ELSPBP1: variants seen among roughly 807,000 people sequenced by gnomAD.
ELSPBP1 encodes epididymal sperm binding protein 1, also known as epididymal sperm-binding protein 1.
A neutral mutation model predicts 33.3 loss-of-function variants in ELSPBP1; 38 were observed. That is an observed-to-expected ratio of 1.14 (90% CI 0.88 to 1.50). The LOEUF (loss-of-function observed/expected upper bound fraction) is 1.50, where lower values mean the gene tolerates loss of function less well. ELSPBP1 is among the 40% of genes most tolerant of loss of function. The pLI, the probability that ELSPBP1 is intolerant of heterozygous loss-of-function variation, is 0.00. For missense variants in ELSPBP1, 267 were observed against 263.5 expected, an observed-to-expected ratio of 1.01 and a Z score of -0.09; for synonymous variants, 85 against 94.1, an observed-to-expected ratio of 0.90 and a Z score of 0.56.
At chr19:48,008,053 T>C (rs1967039749) in intron 1 of ELSPBP1, among the ~76,000 whole-genome samples, 1 of 152,200 alleles carries the variant, frequency 6.6e-6, no homozygotes, top group Admixed American at 6.5e-5. Flanking sequence ...AATGTCGTCC[T>C]TGTGTGAGCA....
chr19:48,014,080 T>C (rs1967104980), intron 2 of ELSPBP1, 91 bp from the exon 3 acceptor site: 3 of 1,452,856 alleles, frequency 2.1e-6, no homozygotes, highest in African/African-American at 2.8e-5. Flanking sequence ...AACACGGACA[T>C]TCATATTAAA....
In ELSPBP1 at chr19:48,014,322, C is replaced by T. The variant is rs1225421653; in HGVS notation, c.208+14C>T. 3 of 1,612,036 alleles carry T rather than the reference C, an allele frequency of 1.9e-6. No homozygotes were observed. In the East Asian group the frequency reaches 6.7e-5, roughly 36 times the overall value. ...GCCAGAGTGAAGGTGAGTGGTATCA[C>T]ATTGTCCCTGCCAGTGGCCTTTGAA... On this transcript the variant is annotated intron_variant, in intron 3 of 6. Coordinates refer to ENST00000339841, the MANE Select transcript of ELSPBP1 (RefSeq NM_022142.5).
Position 48,011,353 on chromosome 19 carries a change from C to T in ELSPBP1, c.70+2616C>T, listed in dbSNP as rs532087570. 2.1e-4 allele frequency among the ~76,000 whole-genome samples: 31 copies of T among 146,544 alleles called. No homozygotes were observed. Among genetic ancestry groups the T allele is most frequent in the South Asian group, 6.6e-4 (3 of 4,550 alleles). On this transcript the variant is annotated intron_variant, in intron 2 of 6. Coordinates refer to ENST00000339841, the MANE Select transcript of ELSPBP1 (RefSeq NM_022142.5). This position sits in a 1 kb window ranked among gnomAD's most constrained non-coding sequence, Gnocchi z 4.5. ...TGACTGATGATGATGACAATTATGA[C>T]GATGATGATGATGATGGTGACAATG...
At position 48,011,293 on chromosome 19, in the gene ELSPBP1, A is replaced by G. The variant is rs1375225606; in HGVS notation, c.70+2556A>G. On this transcript the variant is annotated intron_variant, in intron 2 of 6. Transcript: ENST00000339841. The surrounding 1 kb of genome is among the most constrained non-coding windows in gnomAD (Gnocchi z 4.5). Reference sequence around the variant, plus strand: ...CAATGACGATGATGATCACCATGATAATGACAATAATGAGGTTGATAATGA... The same window carrying G: ...CAATGACGATGATGATCACCATGATGATGACAATAATGAGGTTGATAATGA... Among the ~76,000 whole-genome samples the G allele has an allele frequency of 6.6e-6, 1 of 151,804 alleles. No homozygotes were observed. Among genetic ancestry groups the G allele is most frequent in the Non-Finnish European group, 1.5e-5 (1 of 67,964 alleles).
At chr19:48,018,323 A>G (rs1967163665) in intron 4 of ELSPBP1, among the ~76,000 whole-genome samples, 1 of 152,100 alleles carries the variant, frequency 6.6e-6, no homozygotes, top group African/African-American at 2.4e-5. Context: ...ACTGGAGTTT[A>G]TTTTCATGCA....
At chr19:47,999,902 A>C (rs1297601177) in intron 1 of ELSPBP1, among the ~76,000 whole-genome samples, 2 of 151,428 alleles carry the variant, frequency 1.3e-5, no homozygotes, top group African/African-American at 4.9e-5. Flanking sequence ...AGCTCACTGC[A>C]GCCTCAATAT....
rs1184851127 is a variant in ELSPBP1 at position 48,025,134 on chromosome 19, G to A, written c.*190G>A. On this transcript the variant is annotated 3_prime_UTR_variant, in exon 7 of 7. Coordinates refer to ENST00000339841, the MANE Select transcript of ELSPBP1 (RefSeq NM_022142.5). The stretch of plus-strand genomic sequence containing the variant: ...AGAATGCGGCATAACCACCAATAAA[G>A]GAGTCTTGATTTAACCCTGGGATCT... 6.6e-6 allele frequency: 1 copy of A among 152,134 alleles called. No individual in the cohort carries two copies. Among genetic ancestry groups the A allele is most frequent in the Non-Finnish European group, 1.5e-5 (1 of 68,034 alleles). 9.4% of individuals were successfully genotyped at this position (152,134 alleles called of 1,614,324 possible).
chr19:47,999,818 C>A (rs967852077), intron 1 of ELSPBP1, among the ~76,000 whole-genome samples: 3 of 151,134 alleles, frequency 2.0e-5, no homozygotes, highest in Admixed American at 2.0e-4. Flanking sequence ...TTATCACATA[C>A]GTGATTTTTT....
intron 2 of ELSPBP1, among the ~76,000 whole-genome samples, chr19:48,009,387 C>A (rs950850806): frequency 2.0e-5 from 3 of 152,124 alleles, no homozygotes; most frequent in Non-Finnish European, 4.4e-5. Flanking sequence ...GTGAACAGAA[C>A]CTTCAGACCC....
Position 48,010,242 on chromosome 19 carries a change from G to A in ELSPBP1, c.70+1505G>A, listed in dbSNP as rs566931483. On this transcript the variant is annotated intron_variant, in intron 2 of 6. Coordinates refer to ENST00000339841, the MANE Select transcript of ELSPBP1 (RefSeq NM_022142.5). ...GAACTGACAAATTCCTGAAAGTTTA[G>A]GAACTCACAGTTTATTCAGACAAGG... Among the ~76,000 whole-genome samples, 7 of 152,294 alleles carry A rather than the reference G, an allele frequency of 4.6e-5. No individual in the cohort carries two copies. The East Asian group carries it at 1.2e-3, about 25-fold the overall frequency.
chr19:48,017,896 CAAAAAA>C (rs60130865), intron 4 of ELSPBP1, among the ~76,000 whole-genome samples: 5 of 66,124 alleles, frequency 7.6e-5, no homozygotes, highest in African/African-American at 2.4e-4. Flanking sequence ...GATCTTGTCT[CAAAAAA>C]AAAAAAAAAA....
At chr19:48,024,395 G>A in intron 6 of ELSPBP1, among the ~76,000 whole-genome samples, 1 of 152,114 alleles carries the variant, frequency 6.6e-6, no homozygotes, top group Admixed American at 6.6e-5. Flanking sequence ...AAAAAGAGAA[G>A]CCCTTTCATC....
chr19:48,016,038 TG>T lies in ELSPBP1; in HGVS notation c.355+1del. On this transcript the variant is annotated frameshift_variant and splice_region_variant, in exon 4 of 7. Transcript: ENST00000339841. LOFTEE classifies it high-confidence loss of function. ...AGCAGTGGAAATTCTGTGAAACGAATGGTGAGCCCCTGTAGCAGGGATGGGA... is the reference window on the plus strand; with the variant it reads ...AGCAGTGGAAATTCTGTGAAACGAATGTGAGCCCCTGTAGCAGGGATGGGA... ...KQQWKFCETN[E>X]YGGNSLRKPC... The T allele has an allele frequency of 6.2e-7, 1 of 1,613,008 alleles. No individual in the cohort carries two copies. Among genetic ancestry groups the T allele is most frequent in the South Asian group, 1.1e-5 (1 of 90,992 alleles).
intron 2 of ELSPBP1, 149 bp from the exon 3 acceptor site, chr19:48,014,022 G>A (rs981499198): frequency 3.4e-6 from 3 of 885,398 alleles, no homozygotes; most frequent in Non-Finnish European, 5.3e-6. Context: ...CCATGACCGT[G>A]GGGGTTAGGA....
chr19:48,014,903 C>T (rs1348902475), intron 3 of ELSPBP1, among the ~76,000 whole-genome samples: 1 of 152,022 alleles, frequency 6.6e-6, no homozygotes, highest in Non-Finnish European at 1.5e-5. Context: ...TAGAACCATC[C>T]CATCTTTATG....
chr19:48,010,705 C>T (rs941313965), intron 2 of ELSPBP1, among the ~76,000 whole-genome samples: 1 of 147,366 alleles, frequency 6.8e-6, no homozygotes, highest in African/African-American at 2.5e-5. Flanking sequence ...AAGGGCAGGA[C>T]CAAAATCTCA....
chr19:48,020,662 C>T (rs1007991869), intron 5 of ELSPBP1, among the ~76,000 whole-genome samples: 2 of 152,168 alleles, frequency 1.3e-5, no homozygotes, highest in African/African-American at 4.8e-5. Context: ...ACCAGGTGCT[C>T]CTGGTGACCA....
intron 1 of ELSPBP1, among the ~76,000 whole-genome samples, chr19:48,005,240 G>A (rs1967006247): frequency 6.6e-6 from 1 of 151,818 alleles, no homozygotes; most frequent in South Asian, 2.1e-4. Flanking sequence ...AAAACAAAAA[G>A]AGAAAAAGAG....
chr19:48,000,646 C>T (rs1966958308), intron 1 of ELSPBP1, among the ~76,000 whole-genome samples: 1 of 152,158 alleles, frequency 6.6e-6, no homozygotes, highest in South Asian at 2.1e-4. Context: ...CGTATACAGG[C>T]TACCCTTTTC....
Sources: allele counts gnomAD v4.1 joint callset (sites outside exome capture counted in the v4.1 genomes callset), GRCh38; gene constraint gnomAD v4.1.1; non-coding constraint Gnocchi (gnomAD v3.1); transcripts MANE v1.5; gene names NCBI Gene and HGNC (gene_info 2026-07-23, HGNC 2026-07-21).